Variants in TNIK observed in about 807,000 individuals in gnomAD.
TNIK encodes the protein TRAF2 and NCK interacting kinase.
Under a neutral mutation model 191.3 loss-of-function variants are expected in TNIK, and 49 were observed. That is an observed-to-expected ratio of 0.26 (90% CI 0.20 to 0.32). The LOEUF is 0.32. Among genes scored for constraint, TNIK ranks in the 10% least tolerant of loss-of-function variants. The probability of loss-of-function intolerance (pLI) is 1.00; values close to 1 mark genes in which losing one functional copy is unlikely to be tolerated. For missense variants in TNIK, 1,155 were observed against 1,702.3 expected, an observed-to-expected ratio of 0.68 and a Z score of 5.66; for synonymous variants, 594 against 600.9, an observed-to-expected ratio of 0.99 and a Z score of 0.17.
rs146185847 is a variant in TNIK, at chr3:171,364,230, A to C, written c.123+5390T>G. ...CCCAAATATTCATTTTACATACTAA[A>C]GTTTGAGGACCTCTGCCAGGAGACC... On this transcript the variant is annotated intron_variant, in intron 2 of 32. Transcript: ENST00000436636. Among the ~76,000 whole-genome samples the C allele has an allele frequency of 1.1e-4, 17 of 152,274 alleles. No individual in the cohort carries two copies. The East Asian group carries it at 3.3e-3, about 29-fold the overall frequency.
intron 12 of TNIK, among the ~76,000 whole-genome samples, chr3:171,147,053 A>G (rs1231922649): frequency 6.6e-6 from 1 of 152,216 alleles, no homozygotes; most frequent in Non-Finnish European, 1.5e-5. Flanking sequence ...CAAAGCAAAA[A>G]TCTAACCATT....
Position 171,121,241 on chromosome 3 carries a change from T to C in TNIK, c.2120+2355A>G, listed in dbSNP as rs571445704. Among the ~76,000 whole-genome samples, 2 of 152,104 alleles carry C rather than the reference T, an allele frequency of 1.3e-5. 1 individual carries two copies. The highest frequency in any genetic ancestry group is 2.9e-5 in the Non-Finnish European group (2 of 68,016). The stretch of plus-strand genomic sequence containing the variant: ...TAAAGTGGCTTTATGGATGGATGGT[T>C]GTCTGATAAATGGCACAAAAAGAAC... On this transcript the variant is annotated intron_variant, in intron 18 of 32. Coordinates refer to ENST00000436636, the MANE Select transcript of TNIK (RefSeq NM_015028.4).
intron 30 of TNIK, 91 bp downstream of exon 30, chr3:171,068,757 T>C: frequency 7.5e-7 from 1 of 1,337,006 alleles, no homozygotes; most frequent in Non-Finnish European, 9.9e-7. Context: ...AAAGTGTGCA[T>C]GACTTCTACT....
At chr3:171,245,122 G>T (rs1180400798) in intron 2 of TNIK, among the ~76,000 whole-genome samples, 1 of 152,160 alleles carries the variant, frequency 6.6e-6, no homozygotes, top group Non-Finnish European at 1.5e-5. Flanking sequence ...TAGTTCAGAC[G>T]TGTTGTACTT....
At chr3:171,343,733 T>C (rs192973848) in intron 2 of TNIK, among the ~76,000 whole-genome samples, 1 of 152,172 alleles carries the variant, frequency 6.6e-6, no homozygotes, top group Non-Finnish European at 1.5e-5. Context: ...GAGTTATATA[T>C]CCTAATGGAG....
intron 2 of TNIK, among the ~76,000 whole-genome samples, chr3:171,276,215 C>A (rs1265076017): frequency 6.6e-6 from 1 of 152,182 alleles, no homozygotes; most frequent in African/African-American, 2.4e-5. Flanking sequence ...GAAAAGTTAG[C>A]CCCTCCACAC....
intron 4 of TNIK, 114 bp from the exon 5 acceptor site, chr3:171,194,749 A>G (rs1738486710): frequency 1.2e-6 from 1 of 824,682 alleles, no homozygotes; most frequent in African/African-American, 1.7e-5. Context: ...CTGCAAAGAA[A>G]AAGTTATCAT....
intron 28 of TNIK, among the ~76,000 whole-genome samples, chr3:171,072,695 TCTTAGTG>T (rs1719353405): frequency 6.6e-6 from 1 of 152,144 alleles, no homozygotes; most frequent in Non-Finnish European, 1.5e-5. Context: ...TCCAAAAGAC[TCTTAGTG>T]CTGATAACTT....
intron 2 of TNIK, among the ~76,000 whole-genome samples, chr3:171,237,138 C>T (rs965077038): frequency 1.3e-5 from 2 of 152,064 alleles, no homozygotes; most frequent in African/African-American, 4.8e-5. Context: ...GGCAAAGGAC[C>T]ACAGTGTTCC....
At chr3:171,160,334 A>G (rs1463234694) in intron 11 of TNIK, among the ~76,000 whole-genome samples, 1 of 151,966 alleles carries the variant, frequency 6.6e-6, no homozygotes, top group African/African-American at 2.4e-5. Flanking sequence ...AAAAGAACAC[A>G]TGGTATCTGG....
rs181029995 is a variant in TNIK at position 171,160,069 on chromosome 3, G to A, written c.1016+1201C>T. On this transcript the variant is annotated intron_variant, in intron 11 of 32. Transcript: ENST00000436636. ...CTGGTGTACAACTTCTCTGAAAGCA[G>A]GGCGTTTGGTCCTCTGCCTTTCAGG... Among the ~76,000 whole-genome samples the A allele has an allele frequency of 3.2e-4, 48 of 152,302 alleles. No homozygotes were observed. The East Asian group carries it at 6.4e-3, about 20-fold the overall frequency.
chr3:171,421,660 T>A (rs1171716166), intron 1 of TNIK, among the ~76,000 whole-genome samples: 2 of 151,902 alleles, frequency 1.3e-5, no homozygotes, highest in East Asian at 3.9e-4. Flanking sequence ...CCAGGCTGGT[T>A]TGCTGGATAA....
At chr3:171,174,789 T>G (rs1283750054) in intron 9 of TNIK, among the ~76,000 whole-genome samples, 1 of 152,182 alleles carries the variant, frequency 6.6e-6, no homozygotes, top group African/African-American at 2.4e-5. Flanking sequence ...ACAAAAAAAC[T>G]GCAAATGCTC....
chr3:171,209,054 C>T (rs1289856574), intron 4 of TNIK, among the ~76,000 whole-genome samples: 1 of 101,436 alleles, frequency 9.9e-6, no homozygotes, highest in South Asian at 3.7e-4. Flanking sequence ...AAGGTGTTTG[C>T]TTTGGAAGGG....
intron 3 of TNIK, among the ~76,000 whole-genome samples, chr3:171,218,948 TATA>T (rs1461045076): frequency 1.2e-4 from 16 of 131,566 alleles, no homozygotes; most frequent in Admixed American, 1.1e-3. Flanking sequence ...ATATTTAATA[TATA>T]ATAAATATTA....
intron 22 of TNIK, 70 bp from the exon 23 acceptor site, chr3:171,094,038 T>C: frequency 6.5e-7 from 1 of 1,534,554 alleles, no homozygotes; most frequent in Admixed American, 2.1e-5. Context: ...TCCATATTCA[T>C]TATTTTTGTT....
At chr3:171,176,484 TG>T (rs1203655846) in intron 8 of TNIK, among the ~76,000 whole-genome samples, 1 of 152,158 alleles carries the variant, frequency 6.6e-6, no homozygotes, top group Non-Finnish European at 1.5e-5. Flanking sequence ...CCAGGCAGTA[TG>T]GGAAGTCATC....
In TNIK at chr3:171,157,558, G is replaced by A; in HGVS notation, c.1123C>T (p.Gln375Ter). The A allele has an allele frequency of 6.4e-7, 1 of 1,561,394 alleles. No homozygotes were observed. Among genetic ancestry groups the A allele is most frequent in the Non-Finnish European group, 8.7e-7 (1 of 1,152,942 alleles). The change falls in exon 12 of 33, where the codon CAG (glutamine) becomes TAG (stop). Residue 375 changes from glutamine to a stop codon, truncating the protein, a stop_gained. Transcript: ENST00000436636. LOFTEE classifies it high-confidence loss of function. Reference sequence around the variant, plus strand: ...TGCTCCTCATTCTCCCGCTGCTGCTGCTCCAGCTGCTGCCTCCGTAGGGCC... The same window carrying A: ...TGCTCCTCATTCTCCCGCTGCTGCTACTCCAGCTGCTGCCTCCGTAGGGCC... The part of the protein sequence containing the change: ...SEALRRQQLE[Q>*]QQRENEEHKR...
At chr3:171,164,449 T>C (rs1362601582) in intron 10 of TNIK, among the ~76,000 whole-genome samples, 1 of 152,262 alleles carries the variant, frequency 6.6e-6, no homozygotes, top group African/African-American at 2.4e-5. Flanking sequence ...CTGGACATTA[T>C]GTCAAGCATT....
Sources: gnomAD v4.1 joint callset for allele counts (sites outside exome capture counted in the v4.1 genomes callset) on GRCh38, gnomAD v4.1.1 for gene constraint, MANE v1.5 for transcripts, NCBI Gene and HGNC (gene_info 2026-07-23, HGNC 2026-07-21) for gene names.